Variants in PARPBP observed in about 807,000 individuals in gnomAD.
PARPBP encodes PCNA-interacting partner.
In PARPBP, 52 loss-of-function variants were observed where a neutral mutation model predicts 50.0. The observed-to-expected ratio is 1.04, with a 90% CI of 0.83 to 1.31. PARPBP has a LOEUF of 1.31. PARPBP is among the 50% of genes most tolerant of loss of function. The pLI is 0.00. For synonymous variants in PARPBP, 244 were observed against 232.1 expected (o/e 1.05, Z -0.47); for missense variants, 697 against 672.0 (o/e 1.04, Z -0.41).
intron 4 of PARPBP, among the ~76,000 whole-genome samples, chr12:102,161,315 C>A (rs1258155561): frequency 2.0e-5 from 3 of 151,970 alleles, no homozygotes; most frequent in Non-Finnish European, 4.4e-5. Context: ...GCTGTGTTGG[C>A]CAGGCTGGTC....
chr12:102,144,621 T>C (rs191427481), intron 2 of PARPBP, among the ~76,000 whole-genome samples: 1 of 152,336 alleles, frequency 6.6e-6, no homozygotes, highest in Admixed American at 6.5e-5. Context: ...AGTTTTACTT[T>C]AACTAGTTAT....
chr12:102,136,305 G>T (rs554592060), intron 2 of PARPBP, among the ~76,000 whole-genome samples: 4 of 152,328 alleles, frequency 2.6e-5, no homozygotes, highest in African/African-American at 9.6e-5. Flanking sequence ...AAAATAATGA[G>T]AGAGGAATTG....
chr12:102,186,988 T>A (rs774663499), intron 9 of PARPBP, among the ~76,000 whole-genome samples: 1 of 151,758 alleles, frequency 6.6e-6, no homozygotes, highest in Admixed American at 6.6e-5. Context: ...CCCCATGGTA[T>A]TAGAAACTTC....
chr12:102,140,026 T>A (rs1320804328), intron 2 of PARPBP, among the ~76,000 whole-genome samples: 1 of 152,202 alleles, frequency 6.6e-6, no homozygotes, highest in African/African-American at 2.4e-5. Context: ...TTCCCTCTTT[T>A]TCTGTTAATT....
At chr12:102,168,154 ACTTTTTTGTTTTTTG>A (rs923948258) in intron 6 of PARPBP, among the ~76,000 whole-genome samples, 1 of 152,012 alleles carries the variant, frequency 6.6e-6, no homozygotes, top group African/African-American at 2.4e-5. Context: ...ATAGATGGAA[ACTTTTTTGTTTTTTG>A]CTTTTTTGTC....
At chr12:102,169,255 G>A (rs1222988525) in intron 6 of PARPBP, among the ~76,000 whole-genome samples, 4 of 151,986 alleles carry the variant, frequency 2.6e-5, no homozygotes, top group South Asian at 4.2e-4. Context: ...CTTCAGATAC[G>A]TCATTCTCTT....
intron 6 of PARPBP, among the ~76,000 whole-genome samples, chr12:102,168,186 G>A (rs1888342355): frequency 6.6e-6 from 1 of 151,940 alleles, no homozygotes; most frequent in African/African-American, 2.4e-5. Context: ...TGTCATTTTA[G>A]TGAAGTTTTG....
chr12:102,172,958 T>C (rs557110730), intron 6 of PARPBP, among the ~76,000 whole-genome samples: 1 of 152,236 alleles, frequency 6.6e-6, no homozygotes, highest in Non-Finnish European at 1.5e-5. Flanking sequence ...TCCTAGGGTC[T>C]ACTCAGACTT....
intron 8 of PARPBP, among the ~76,000 whole-genome samples, chr12:102,179,821 T>A (rs76360695): frequency 6.6e-6 from 1 of 152,328 alleles, no homozygotes; most frequent in African/African-American, 2.4e-5. Context: ...TAATTGGACA[T>A]TCACTTTGAG....
intron 6 of PARPBP, 122 bp downstream of exon 6, chr12:102,166,005 CA>C: frequency 1.6e-6 from 1 of 622,540 alleles, no homozygotes; most frequent in South Asian, 2.2e-5. Flanking sequence ...GGCGAAGAAA[CA>C]AAATCTAGAT....
intron 9 of PARPBP, among the ~76,000 whole-genome samples, 185 bp downstream of exon 9, chr12:102,182,812 A>G (rs1889962133): frequency 6.6e-6 from 1 of 152,214 alleles, no homozygotes. Flanking sequence ...GTCTTGACTA[A>G]TCTGTTTCTG....
chr12:102,176,389 G>A (rs1192615703), intron 7 of PARPBP, among the ~76,000 whole-genome samples: 2 of 152,180 alleles, frequency 1.3e-5, no homozygotes, highest in Non-Finnish European at 2.9e-5. Flanking sequence ...GACAACAACA[G>A]TCCTGTTAGA....
rs774938281 is a variant in PARPBP at position 102,182,640 on chromosome 12, G to T, written c.1263+13G>T. ...GAAAAAAATTAAGGTACAATTTAAT[G>T]CATGCCATGAAAATAGCAAACACTG... On this transcript the variant is annotated intron_variant, in intron 9 of 10. Transcript: ENST00000327680. 6.5e-7 allele frequency: 1 copy of T among 1,539,428 alleles called. No individual in the cohort carries two copies. Among genetic ancestry groups the T allele is most frequent in the South Asian group, 1.1e-5 (1 of 88,332 alleles).
chr12:102,156,557 A>G (rs929060944), intron 4 of PARPBP, among the ~76,000 whole-genome samples: 8 of 152,246 alleles, frequency 5.3e-5, no homozygotes, highest in African/African-American at 1.9e-4. Flanking sequence ...TAATAAAATC[A>G]CCATTGACAA....
chr12:102,195,876 T>C (rs963692089), intron 10 of PARPBP, 75 bp from the exon 11 acceptor site: 6 of 954,366 alleles, frequency 6.3e-6, no homozygotes, highest in Non-Finnish European at 9.3e-6. Context: ...ATTTTTAAAG[T>C]TTATTGTAAA....
chr12:102,191,627 T>G (rs1466175001), intron 9 of PARPBP, among the ~76,000 whole-genome samples: 1 of 152,182 alleles, frequency 6.6e-6, no homozygotes, highest in Non-Finnish European at 1.5e-5. Flanking sequence ...GGAGTCAGGC[T>G]TTCCTATGTG....
At position 102,196,850 on chromosome 12, in the gene PARPBP, G is replaced by T; in HGVS notation, c.*559G>T. ...GTTGCTATTTAATCCCACATTTTTG[G>T]CAGGTGTAATTGAGCCATGGTCTTA... is the stretch of plus-strand genomic sequence containing the variant. On this transcript the variant is annotated 3_prime_UTR_variant, in exon 11 of 11. Coordinates refer to ENST00000327680, the MANE Select transcript of PARPBP (RefSeq NM_017915.5). 2 of 1,055,618 alleles carry T rather than the reference G, an allele frequency of 1.9e-6. No individual in the cohort carries two copies. Among genetic ancestry groups the T allele is most frequent in the Non-Finnish European group, 1.4e-6 (1 of 707,264 alleles). The allele number at this position is 1,055,618 out of a possible 1,614,324, so 65.4% of individuals were successfully genotyped here. A position where few individuals can be genotyped will look rare whatever the true frequency, so the allele number is the denominator to read the frequency against.
At chr12:102,194,747 A>G (rs1267036559) in intron 9 of PARPBP, among the ~76,000 whole-genome samples, 1 of 151,814 alleles carries the variant, frequency 6.6e-6, no homozygotes, top group Non-Finnish European at 1.5e-5. Flanking sequence ...GTTTTCCTAA[A>G]TACTCGAGAA....
intron 5 of PARPBP, 54 bp from the exon 6 acceptor site, chr12:102,165,675 A>T: frequency 3.6e-6 from 5 of 1,373,780 alleles, no homozygotes; most frequent in Non-Finnish European, 5.1e-6. Flanking sequence ...TATGAAGTAA[A>T]TTACAGTTTA....
Sources: gnomAD v4.1 joint callset for allele counts (sites outside exome capture counted in the v4.1 genomes callset) on GRCh38, gnomAD v4.1.1 for gene constraint, MANE v1.5 for transcripts, NCBI Gene and HGNC (gene_info 2026-07-23, HGNC 2026-07-21) for gene names.